The following DAG1 variants were observed in gnomAD, a reference collection of about 807,000 sequenced individuals.
DAG1 encodes dystroglycan 1, also known as dystroglycan 1 (dystrophin-associated glycoprotein 1).
In DAG1, 8 loss-of-function variants were observed where a neutral mutation model predicts 46.1. The observed-to-expected ratio is 0.17, with a 90% CI of 0.10 to 0.31. The LOEUF is 0.31. Among genes scored for constraint, DAG1 ranks in the 10% least tolerant of loss-of-function variants. The probability of loss-of-function intolerance (pLI) is 1.00; values close to 1 mark genes in which losing one functional copy is unlikely to be tolerated. For synonymous variants in DAG1, 495 were observed against 481.8 expected, an observed-to-expected ratio of 1.03 and a Z score of -0.36; for missense variants, 1,003 against 1,189.9, an observed-to-expected ratio of 0.84 and a Z score of 2.31.
chr3:49,493,780 C>G (rs2050246110), intron 1 of DAG1, among the ~76,000 whole-genome samples: 1 of 152,188 alleles, frequency 6.6e-6, no homozygotes, highest in South Asian at 2.1e-4. Context: ...GGAACTGGTG[C>G]TTTCTGATGC....
intron 1 of DAG1, among the ~76,000 whole-genome samples, chr3:49,491,413 C>G (rs1039777616): frequency 6.6e-6 from 1 of 150,988 alleles, no homozygotes; most frequent in African/African-American, 2.4e-5. Flanking sequence ...CTGGGTCAAG[C>G]AGTTCTCCTG....
chr3:49,478,569 G>A (rs1165824088), intron 1 of DAG1, among the ~76,000 whole-genome samples: 1 of 144,708 alleles, frequency 6.9e-6, no homozygotes, highest in East Asian at 2.0e-4. Context: ...TTGTAGAGAG[G>A]GTTTTGCCAT....
chr3:49,525,603 G>A (rs1413926312), intron 2 of DAG1, among the ~76,000 whole-genome samples: 12 of 151,610 alleles, frequency 7.9e-5, no homozygotes, highest in Non-Finnish European at 1.8e-4. Context: ...TGTCGCCCAG[G>A]CTGGAGTGCC....
At chr3:49,486,226 ATTTATTTT>A (rs1178108937) in intron 1 of DAG1, among the ~76,000 whole-genome samples, 3 of 124,130 alleles carry the variant, frequency 2.4e-5, no homozygotes, top group African/African-American at 9.1e-5. Context: ...TTATTTATTT[ATTTATTTT>A]TTGAGACGGA....
intron 1 of DAG1, among the ~76,000 whole-genome samples, chr3:49,484,623 C>G (rs777070519): frequency 3.9e-5 from 6 of 152,038 alleles, no homozygotes; most frequent in Non-Finnish European, 8.8e-5. Context: ...GGAGGAATGT[C>G]CTGGCCTCCT....
rs769867871 is a variant in DAG1, at chr3:49,531,378, G to A, written c.867G>A (p.Gln289=). 2 of 1,614,192 alleles carry A rather than the reference G, an allele frequency of 1.2e-6. No individual in the cohort carries two copies. Among genetic ancestry groups the A allele is most frequent in the South Asian group, 2.2e-5 (2 of 91,080 alleles). ...APAREGAMSA[Q]LGYPVVGWHI... is the part of the protein sequence containing the mutation. ...CCAGGGAGGGCGCAATGTCTGCTCA[G>A]CTTGGCTACCCTGTGGTGGGTTGGC... is the stretch of plus-strand genomic sequence containing the variant. The change falls in exon 3 of 3, where the codon CAG becomes CAA. Residue 289 remains glutamine, a synonymous_variant. Coordinates refer to ENST00000308775, the MANE Select transcript of DAG1 (RefSeq NM_004393.6). This position sits in a 1 kb window ranked among gnomAD's most constrained non-coding sequence, Gnocchi z 7.0.
At chr3:49,510,211 C>A in intron 1 of DAG1, 1 of 487,148 alleles carries the variant, frequency 2.1e-6, no homozygotes, top group South Asian at 4.6e-5. Context: ...TTTTCAAAAT[C>A]CAGTGTATAT....
intron 1 of DAG1, among the ~76,000 whole-genome samples, chr3:49,497,007 T>G (rs1009104813): frequency 1.1e-4 from 17 of 151,620 alleles, no homozygotes; most frequent in Non-Finnish European, 2.2e-4. Flanking sequence ...ATTAAAAATG[T>G]TTTTTTTAGG....
chr3:49,485,018 G>A (rs1049648353), intron 1 of DAG1, among the ~76,000 whole-genome samples: 1 of 151,756 alleles, frequency 6.6e-6, no homozygotes, highest in Non-Finnish European at 1.5e-5. Context: ...ACGGAGTCTC[G>A]CTCTGTCGCC....
chr3:49,508,645 C>T (rs754738868), intron 1 of DAG1, among the ~76,000 whole-genome samples: 20 of 152,158 alleles, frequency 1.3e-4, no homozygotes, highest in African/African-American at 1.9e-4. Context: ...GGTGATCTGC[C>T]TGCCTTGGCC....
intron 2 of DAG1, among the ~76,000 whole-genome samples, chr3:49,524,403 C>T (rs2051114882): frequency 6.6e-6 from 1 of 152,046 alleles, no homozygotes. Context: ...TGGCTGGGCA[C>T]GGTGGCTCAC....
At chr3:49,477,279 G>A (rs2049707433) in intron 1 of DAG1, among the ~76,000 whole-genome samples, 1 of 151,540 alleles carries the variant, frequency 6.6e-6, no homozygotes, top group Admixed American at 6.6e-5. Flanking sequence ...TTACAGGGGT[G>A]AGCCACCGCT....
At chr3:49,495,510 C>T (rs2050287213) in intron 1 of DAG1, among the ~76,000 whole-genome samples, 1 of 152,042 alleles carries the variant, frequency 6.6e-6, no homozygotes, top group South Asian at 2.1e-4. Context: ...TTTGATGCAA[C>T]GCGGGTGCAA....
At chr3:49,475,074 AG>A (rs1179272376) in intron 1 of DAG1, among the ~76,000 whole-genome samples, 1 of 150,666 alleles carries the variant, frequency 6.6e-6, no homozygotes, top group East Asian at 1.9e-4. Context: ...GGCCTCCCGA[AG>A]TGCTGGGATT....
In DAG1 at chr3:49,528,315, C is replaced by G. The variant is rs553711471; in HGVS notation, c.286-2482C>G. 4.5e-5 allele frequency among the ~76,000 whole-genome samples: 4 copies of G among 88,280 alleles called. No homozygotes were observed. In the East Asian group the frequency reaches 1.0e-3, roughly 22 times the overall value. 57.9% of individuals were successfully genotyped at this position (88,280 alleles called of 152,430 possible). ...TTTTTTTTTTTTTGGGACAGAGTCT[C>G]ACTCTGTCATTCAGGCTGGAGTGCA... is the stretch of plus-strand genomic sequence containing the variant. On this transcript the variant is annotated intron_variant, in intron 2 of 2. Coordinates refer to ENST00000308775, the MANE Select transcript of DAG1 (RefSeq NM_004393.6).
intron 1 of DAG1, among the ~76,000 whole-genome samples, chr3:49,501,777 G>GT (rs2050459221): frequency 6.8e-6 from 1 of 147,764 alleles, no homozygotes; most frequent in East Asian, 2.1e-4. Flanking sequence ...TCATGCCACT[G>GT]TACTCCAGCC....
intron 1 of DAG1, among the ~76,000 whole-genome samples, chr3:49,478,745 A>G (rs1410892542): frequency 6.7e-6 from 1 of 148,272 alleles, no homozygotes; most frequent in Non-Finnish European, 1.5e-5. Context: ...ACTGGGTGAC[A>G]AAGTGAGACC....
At chr3:49,521,150 T>C (rs918979336) in intron 2 of DAG1, among the ~76,000 whole-genome samples, 2 of 151,934 alleles carry the variant, frequency 1.3e-5, no homozygotes, top group Non-Finnish European at 2.9e-5. Context: ...TTTTGTTTTG[T>C]TTTTTTGTTT....
chr3:49,510,846 A>C, intron 2 of DAG1, 27 bp downstream of exon 2: 1 of 1,613,352 alleles, frequency 6.2e-7, no homozygotes, highest in Non-Finnish European at 8.5e-7. Context: ...AGCATAAATG[A>C]GGAAGAGTTC....
Sources: gnomAD v4.1 joint callset for allele counts (sites outside exome capture counted in the v4.1 genomes callset) on GRCh38, gnomAD v4.1.1 for gene constraint, Gnocchi (gnomAD v3.1) non-coding constraint, MANE v1.5 for transcripts, NCBI Gene and HGNC (gene_info 2026-07-23, HGNC 2026-07-21) for gene names.